SLCO2B1: variants seen among roughly 807,000 people sequenced by gnomAD.
SLCO2B1 encodes the protein OATP-RP2.
In SLCO2B1, 41 loss-of-function variants were observed where a neutral mutation model predicts 67.3. The ratio of observed to expected loss-of-function variants is 0.61; its 90% confidence interval spans 0.47 to 0.79. SLCO2B1 has a LOEUF of 0.79. SLCO2B1 is among the 30% of genes least tolerant of loss of function. The pLI, the probability that SLCO2B1 is intolerant of heterozygous loss-of-function variation, is 0.00. For synonymous variants in SLCO2B1, 379 were observed against 381.4 expected (o/e 0.99, Z 0.07); for missense variants, 837 against 920.1 (o/e 0.91, Z 1.17).
At chr11:75,159,839 A>G (rs11236359) in intron 1 of SLCO2B1, 767,860 of 984,196 alleles carry the variant, frequency 0.78, 301,283 homozygotes, top group South Asian at 0.84. Flanking sequence ...CTTGGCAGAA[A>G]AGGCTGGGAT....
In SLCO2B1 at chr11:75,172,563, C is replaced by T. The variant is rs747833184; in HGVS notation, c.966C>T (p.Ala322=). The T allele has an allele frequency of 1.2e-6, 2 of 1,613,402 alleles. No homozygotes were observed. Among genetic ancestry groups the T allele is most frequent in the South Asian group, 1.1e-5 (1 of 90,934 alleles). The change falls in exon 7 of 14, where the codon GCC becomes GCT. Residue 322 remains alanine (A), a synonymous_variant. Transcript: ENST00000289575. ...RKVLAVTDSP[A]RKGKDSPSKQ... is the part of the protein sequence containing the mutation. ...TCTTAGCAGTCACAGACTCACCTGCCAGGAAGGTAAGCTCCCTCCATGTCA... is the reference window on the plus strand; with the variant it reads ...TCTTAGCAGTCACAGACTCACCTGCTAGGAAGGTAAGCTCCCTCCATGTCA...
intron 7 of SLCO2B1, among the ~76,000 whole-genome samples, chr11:75,183,017 G>C (rs1178944711): frequency 6.6e-6 from 1 of 152,166 alleles, no homozygotes; most frequent in Non-Finnish European, 1.5e-5. Flanking sequence ...CACTCTCCCA[G>C]AGCTCAGACG....
chr11:75,159,799 G>A (rs984773949), intron 1 of SLCO2B1: 1 of 980,296 alleles, frequency 1.0e-6, no homozygotes, highest in Non-Finnish European at 1.2e-6. Context: ...TATCTCTAAA[G>A]GATAAAGTAC....
At chr11:75,161,643 G>T (rs1271763859) in intron 1 of SLCO2B1, among the ~76,000 whole-genome samples, 1 of 152,164 alleles carries the variant, frequency 6.6e-6, no homozygotes, top group Non-Finnish European at 1.5e-5. Flanking sequence ...TGAGTGAAAG[G>T]AAACTCCTGC....
rs7946875 is a variant in SLCO2B1, at chr11:75,178,105, A to C, written c.972+5536A>C. 2.7e-3 allele frequency among the ~76,000 whole-genome samples: 416 copies of C among 151,658 alleles called. 4 individuals carry two copies. Among genetic ancestry groups the C allele is most frequent in the African/African-American group, 9.8e-3 (404 of 41,118 alleles). ...CAAGATTCCATCTCAAAAAAAAAAA[A>C]AAAACAAAAAACAAAACTCCAAACG... On this transcript the variant is annotated intron_variant, in intron 7 of 13. Transcript: ENST00000289575.
chr11:75,188,180 G>C lies in SLCO2B1; in HGVS notation c.1017G>C (p.Lys339Asn), dbSNP rs760021739. ...PSKQSPGEST[K>N]KQDGLVQIAP... ...AGCAGAGCCCTGGGGAGTCCACGAAGAAGCAGGATGGCCTAGTCCAGATTG... is the reference window on the plus strand; with the variant it reads ...AGCAGAGCCCTGGGGAGTCCACGAACAAGCAGGATGGCCTAGTCCAGATTG... Residue 339 changes from lysine (K) to asparagine (N), a missense_variant, in exon 8 of 14, where the codon AAG (lysine) becomes AAC (asparagine). Transcript: ENST00000289575. 6.2e-7 allele frequency: 1 copy of C among 1,614,150 alleles called. No homozygotes were observed. The highest frequency in any genetic ancestry group is 8.5e-7 in the Non-Finnish European group (1 of 1,180,008).
chr11:75,165,306 C>A (rs1949873914), intron 3 of SLCO2B1, among the ~76,000 whole-genome samples: 1 of 152,136 alleles, frequency 6.6e-6, no homozygotes, highest in South Asian at 2.1e-4. Context: ...GTGGCGCATG[C>A]CTGTAATCTC....
In SLCO2B1 at chr11:75,200,152, C is replaced by T. The variant is rs1277670343; in HGVS notation, c.1600-72C>T. 8 of 1,492,238 alleles carry T rather than the reference C, an allele frequency of 5.4e-6. No individual in the cohort carries two copies. In the African/African-American group the frequency reaches 6.9e-5, roughly 13 times the overall value. The allele number at this position is 1,492,238 out of a possible 1,614,324, so 92.4% of individuals were successfully genotyped here. ...AACTTGGGCCTCTCACAAGCCTTCC[C>T]CGCTGCAAGCCCTTGGCCAGCTGCC... On this transcript the variant is annotated intron_variant, in intron 10 of 13. Coordinates refer to ENST00000289575, the MANE Select transcript of SLCO2B1 (RefSeq NM_007256.5).
chr11:75,169,081 A>C, intron 4 of SLCO2B1, 92 bp from the exon 5 acceptor site: 2 of 1,039,690 alleles, frequency 1.9e-6, no homozygotes, highest in Non-Finnish European at 2.7e-6. Flanking sequence ...AATTATTTTT[A>C]TACACAGCAC....
chr11:75,166,647 A>T (rs558313456), intron 4 of SLCO2B1, among the ~76,000 whole-genome samples: 1 of 151,104 alleles, frequency 6.6e-6, no homozygotes, highest in African/African-American at 2.4e-5. Flanking sequence ...CTACTCATCC[A>T]TCTATTTATC....
At chr11:75,155,718 A>T (rs1268535797) in intron 1 of SLCO2B1, among the ~76,000 whole-genome samples, 1 of 152,108 alleles carries the variant, frequency 6.6e-6, no homozygotes, top group Admixed American at 6.6e-5. Context: ...TCAGCCTCCC[A>T]AAGTGCTGAG....
At position 75,167,980 on chromosome 11, in the gene SLCO2B1, G is replaced by A. The variant is rs142273579; in HGVS notation, c.449-1193G>A. 4.6e-3 allele frequency among the ~76,000 whole-genome samples: 665 copies of A among 144,836 alleles called. 10 individuals carry two copies. Among genetic ancestry groups the A allele is most frequent in the African/African-American group, 0.016 (632 of 39,048 alleles). ...TTGAACTTGGCTCACTGCAACCCCT[G>A]CCTCCCAGGTTCAAGCAATTCTCCT... is the stretch of plus-strand genomic sequence containing the variant. On this transcript the variant is annotated intron_variant, in intron 4 of 13. Coordinates refer to ENST00000289575, the MANE Select transcript of SLCO2B1 (RefSeq NM_007256.5).
chr11:75,163,934 C>T (rs80169385), intron 2 of SLCO2B1, 29 bp from the exon 3 acceptor site: 56,111 of 1,580,224 alleles, frequency 0.036, 1,184 homozygotes, highest in African/African-American at 0.095. Flanking sequence ...GCACCGCCCA[C>T]CTCTGCCTGC....
intron 7 of SLCO2B1, among the ~76,000 whole-genome samples, chr11:75,175,630 T>C (rs1041879418): frequency 2.0e-5 from 3 of 151,630 alleles, no homozygotes; most frequent in Non-Finnish European, 2.9e-5. Flanking sequence ...ATCTGTCTAA[T>C]GGGCAGCAGA....
intron 2 of SLCO2B1, 149 bp from the exon 3 acceptor site, chr11:75,163,812 GTC>G (rs1949852993): frequency 3.6e-6 from 3 of 826,900 alleles, no homozygotes; most frequent in Non-Finnish European, 5.5e-6. Context: ...GTCTCTCTCT[GTC>G]TCTCTTCTGT....
At chr11:75,178,936 G>A (rs1172080824) in intron 7 of SLCO2B1, among the ~76,000 whole-genome samples, 1 of 152,122 alleles carries the variant, frequency 6.6e-6, no homozygotes, top group Non-Finnish European at 1.5e-5. Context: ...TTTTCACAAT[G>A]ACAGGATTTC....
At chr11:75,154,744 G>T (rs1260340793) in intron 1 of SLCO2B1, among the ~76,000 whole-genome samples, 1 of 152,226 alleles carries the variant, frequency 6.6e-6, no homozygotes, top group Non-Finnish European at 1.5e-5. Flanking sequence ...CAGGAAGCCT[G>T]CCCTGACCCC....
intron 1 of SLCO2B1, among the ~76,000 whole-genome samples, chr11:75,160,811 C>T (rs1949810432): frequency 6.6e-6 from 1 of 152,202 alleles, no homozygotes; most frequent in Non-Finnish European, 1.5e-5. Context: ...ATACAAATGG[C>T]AGTAGGCACA....
At chr11:75,202,326 C>A in intron 11 of SLCO2B1, 1 of 153,972 alleles carries the variant, frequency 6.5e-6, no homozygotes, top group East Asian at 1.9e-4. Context: ...TGCGTGGATA[C>A]AGGCCCTGAC....
Sources: gnomAD v4.1 joint callset for allele counts (sites outside exome capture counted in the v4.1 genomes callset) on GRCh38, gnomAD v4.1.1 for gene constraint, MANE v1.5 for transcripts, NCBI Gene and HGNC (gene_info 2026-07-23, HGNC 2026-07-21) for gene names.